Variants in UBR3 observed in about 807,000 individuals in gnomAD.
UBR3 encodes E3 ubiquitin-protein ligase UBR3.
In UBR3, 85 loss-of-function variants were observed where a neutral mutation model predicts 243.2. That is an observed-to-expected ratio of 0.35 (90% CI 0.29 to 0.42). The LOEUF (loss-of-function observed/expected upper bound fraction) is 0.42. Ranked by LOEUF, UBR3 falls within the 10% of genes least tolerant of loss-of-function variation. The pLI, the probability that UBR3 is intolerant of heterozygous loss-of-function variation, is 1.00. For synonymous variants in UBR3, 748 were observed against 799.8 expected, an observed-to-expected ratio of 0.94 and a Z score of 1.09; for missense variants, 1,686 against 2,300.8, an observed-to-expected ratio of 0.73 and a Z score of 5.47.
intron 1 of UBR3, among the ~76,000 whole-genome samples, chr2:169,868,668 A>G (rs2083335226): frequency 6.6e-6 from 1 of 152,212 alleles, no homozygotes; most frequent in Admixed American, 6.5e-5. Flanking sequence ...ACACCCACAT[A>G]AAATAATTCC....
At chr2:169,963,990 C>T (rs929201210) in intron 24 of UBR3, among the ~76,000 whole-genome samples, 8 of 152,142 alleles carry the variant, frequency 5.3e-5, no homozygotes, top group Non-Finnish European at 8.8e-5. Flanking sequence ...GATTGAGAAT[C>T]TTCTCTTACA....
At chr2:170,056,346 C>G (rs553891520) in intron 33 of UBR3, among the ~76,000 whole-genome samples, 28 of 152,160 alleles carry the variant, frequency 1.8e-4, no homozygotes, top group Non-Finnish European at 3.2e-4. Context: ...GAAATATTAC[C>G]TTTTTTCTTG....
chr2:169,922,563 C>T (rs1396454978), intron 11 of UBR3, among the ~76,000 whole-genome samples: 2 of 152,038 alleles, frequency 1.3e-5, no homozygotes, highest in Admixed American at 6.6e-5. Context: ...TTTTTTATCT[C>T]ATAAAATTGA....
rs192276022 is a variant in UBR3 at position 169,977,374 on chromosome 2, A to G, written c.3635-9271A>G. ...TACATAATTACAAAGGTGACATCCC[A>G]TGATCGGCCATCTGCAAGCCGGGGG... On this transcript the variant is annotated intron_variant, in intron 24 of 38. Coordinates refer to ENST00000272793, the MANE Select transcript of UBR3 (RefSeq NM_172070.4). Among the ~76,000 whole-genome samples, 30 of 152,306 alleles carry G rather than the reference A, an allele frequency of 2.0e-4. 1 individual carries two copies. The Middle Eastern group carries it at 0.01, about 52-fold the overall frequency.
intron 11 of UBR3, among the ~76,000 whole-genome samples, chr2:169,920,015 G>C (rs896946427): frequency 8.5e-5 from 13 of 152,278 alleles, no homozygotes; most frequent in Non-Finnish European, 2.9e-5. Context: ...GCACACGTAT[G>C]TTTATAGCGG....
rs547142016 is a variant in UBR3 at position 170,048,050 on chromosome 2, C to G, written c.4660+7065C>G. Among the ~76,000 whole-genome samples the G allele has an allele frequency of 1.1e-4, 16 of 152,252 alleles. No homozygotes were observed. The South Asian group carries it at 3.3e-3, about 32-fold the overall frequency. Reference sequence around the variant, plus strand: ...TGAACAGATGTTATTAAAGAATGATCTTTTGTTTCTTGTTTTCTAGAGCTG... The same window carrying G: ...TGAACAGATGTTATTAAAGAATGATGTTTTGTTTCTTGTTTTCTAGAGCTG... On this transcript the variant is annotated intron_variant, in intron 32 of 38. Coordinates refer to ENST00000272793, the MANE Select transcript of UBR3 (RefSeq NM_172070.4).
chr2:170,068,528 A>G (rs2091628399), intron 35 of UBR3, among the ~76,000 whole-genome samples: 1 of 152,194 alleles, frequency 6.6e-6, no homozygotes, highest in Non-Finnish European at 1.5e-5. Flanking sequence ...CTAAATCATT[A>G]TCTAAGTTTC....
intron 29 of UBR3, chr2:170,014,716 T>C (rs919953402): frequency 6.6e-6 from 1 of 152,458 alleles, no homozygotes; most frequent in Non-Finnish European, 1.5e-5. Flanking sequence ...TTAATGAAAC[T>C]AGTTTTAGAA....
At chr2:169,890,563 A>ATG (rs1553504516) in intron 5 of UBR3, among the ~76,000 whole-genome samples, 1 of 83,924 alleles carries the variant, frequency 1.2e-5, no homozygotes, top group African/African-American at 5.1e-5. Context: ...ATATATATAT[A>ATG]TGTGTATATA....
At chr2:169,871,591 T>TA (rs1453719898) in intron 1 of UBR3, among the ~76,000 whole-genome samples, 1 of 150,614 alleles carries the variant, frequency 6.6e-6, no homozygotes, top group East Asian at 1.9e-4. Flanking sequence ...CTACTAAAAA[T>TA]AAAAAAAATT....
At chr2:170,065,067 T>C (rs1478647650) in intron 35 of UBR3, among the ~76,000 whole-genome samples, 1 of 152,104 alleles carries the variant, frequency 6.6e-6, no homozygotes, top group Non-Finnish European at 1.5e-5. Flanking sequence ...GGTCTCGAAC[T>C]CTGGACCTCA....
At chr2:170,036,767 A>G (rs951665008) in intron 31 of UBR3, among the ~76,000 whole-genome samples, 1 of 152,058 alleles carries the variant, frequency 6.6e-6, no homozygotes, top group Non-Finnish European at 1.5e-5. Flanking sequence ...ATAGTTGTTT[A>G]TAAGTGTTTT....
chr2:169,996,005 A>G (rs527746592), intron 26 of UBR3, among the ~76,000 whole-genome samples: 11 of 152,358 alleles, frequency 7.2e-5, no homozygotes, highest in East Asian at 5.8e-4. Flanking sequence ...AGTTAGCTAT[A>G]TAAGATGATT....
intron 24 of UBR3, among the ~76,000 whole-genome samples, chr2:169,985,224 C>CTTTTTTTTTTTTT (rs71006060): frequency 2.7e-5 from 3 of 113,124 alleles, no homozygotes; most frequent in Non-Finnish European, 3.6e-5. Context: ...CAACTCTTTT[C>CTTTTTTTTTTTTT]TTTTTTTTTT....
chr2:170,068,244 G>A (rs1403113558), intron 35 of UBR3, among the ~76,000 whole-genome samples: 1 of 152,138 alleles, frequency 6.6e-6, no homozygotes, highest in Admixed American at 6.5e-5. Flanking sequence ...GCCAAGGCGG[G>A]CAGATCACGA....
In UBR3 at chr2:169,890,549, A is replaced by G. The variant is rs11890404; in HGVS notation, c.1039-616A>G. 4.4e-3 allele frequency among the ~76,000 whole-genome samples: 259 copies of G among 59,250 alleles called. 23 individuals carry two copies. Among genetic ancestry groups the G allele is most frequent in the African/African-American group, 0.014 (246 of 17,058 alleles). The allele number at this position is 59,250 out of a possible 152,430, so 38.9% of individuals were successfully genotyped here. A position where few individuals can be genotyped will look rare whatever the true frequency, so the allele number is the denominator to read the frequency against. On this transcript the variant is annotated intron_variant, in intron 5 of 38. Coordinates refer to ENST00000272793, the MANE Select transcript of UBR3 (RefSeq NM_172070.4). ...AGGAGAGAGAGAGAGAGATATATAT[A>G]TATATATATATATATGTGTATATAT...
At chr2:170,064,753 T>C (rs776113068) in intron 35 of UBR3, among the ~76,000 whole-genome samples, 27 of 151,758 alleles carry the variant, frequency 1.8e-4, no homozygotes, top group Non-Finnish European at 3.5e-4. Flanking sequence ...AGACATTATA[T>C]CTGATAGTGT....
chr2:170,062,594 GT>G (rs1469247086), intron 35 of UBR3, among the ~76,000 whole-genome samples: 1 of 152,140 alleles, frequency 6.6e-6, no homozygotes, highest in Non-Finnish European at 1.5e-5. Context: ...TTAAAAAAGT[GT>G]GTTTCTTTCT....
chr2:170,006,914 T>C (rs2089931702), intron 27 of UBR3, 76 bp from the exon 28 acceptor site: 2 of 1,214,144 alleles, frequency 1.6e-6, no homozygotes, highest in East Asian at 2.4e-5. Flanking sequence ...ATTAATTTAC[T>C]ATAAAATGGG....
Sources: gnomAD v4.1 joint callset for allele counts (sites outside exome capture counted in the v4.1 genomes callset) on GRCh38, gnomAD v4.1.1 for gene constraint, MANE v1.5 for transcripts, NCBI Gene and HGNC (gene_info 2026-07-23, HGNC 2026-07-21) for gene names.